HIPK2: variants seen among roughly 807,000 people sequenced by gnomAD.
HIPK2 encodes homeodomain interacting protein kinase 2.
Under a neutral mutation model 113.7 loss-of-function variants are expected in HIPK2, and 27 were observed. The ratio of observed to expected loss-of-function variants is 0.24; its 90% CI spans 0.17 to 0.33. The LOEUF is 0.33. Ranked by LOEUF, HIPK2 falls within the 10% of genes least tolerant of loss-of-function variation. HIPK2 has a pLI of 1.00. For synonymous variants in HIPK2, 631 were observed against 642.2 expected (o/e 0.98, Z 0.26); for missense variants, 1,257 against 1,588.0 (o/e 0.79, Z 3.54).
intron 1 of HIPK2, among the ~76,000 whole-genome samples, chr7:139,750,360 T>C (rs1044862899): frequency 6.6e-6 from 1 of 152,214 alleles, no homozygotes; most frequent in South Asian, 2.1e-4. Context: ...AAAGCCTCAA[T>C]TGATGAGCTA....
Position 139,608,068 on chromosome 7 carries a change from G to C in HIPK2, c.2113-3845C>G, listed in dbSNP as rs758520853. On this transcript the variant is annotated intron_variant, in intron 9 of 14. Transcript: ENST00000406875. ...AGCCTGGCCAACACATTGAAACCTA[G>C]TCTCTACTAAAAATACAAAAAAAAA... is the stretch of plus-strand genomic sequence containing the variant. Among the ~76,000 whole-genome samples the C allele has an allele frequency of 5.3e-5, 8 of 151,894 alleles. No individual in the cohort carries two copies. In the Middle Eastern group the frequency reaches 0.014, roughly 258 times the overall value.
chr7:139,764,566 G>A (rs959344676), intron 1 of HIPK2, among the ~76,000 whole-genome samples: 2 of 152,214 alleles, frequency 1.3e-5, no homozygotes, highest in South Asian at 2.1e-4. Context: ...TGACCAAGAT[G>A]TTTCCTTTGA....
chr7:139,720,445 C>T (rs1024025747), intron 1 of HIPK2, among the ~76,000 whole-genome samples: 5 of 152,234 alleles, frequency 3.3e-5, no homozygotes, highest in South Asian at 2.1e-4. Flanking sequence ...TGTGACTGCA[C>T]GTCTGTAGGA....
chr7:139,716,147 C>T lies in HIPK2; in HGVS notation c.888G>A (p.Leu296=). 1.2e-6 allele frequency: 2 copies of T among 1,614,002 alleles called. No individual in the cohort carries two copies. Among genetic ancestry groups the T allele is most frequent in the Non-Finnish European group, 8.5e-7 (1 of 1,179,902 alleles). ...DFLKQNKFSP[L]PLKYIRPVLQ... ...GAACTGGGCGAATGTATTTGAGGGGCAAGGGGCTAAACTTGTTTTGCTTCA... is the reference window on the plus strand; with the variant it reads ...GAACTGGGCGAATGTATTTGAGGGGTAAGGGGCTAAACTTGTTTTGCTTCA... The change falls in exon 2 of 15, where the codon TTG becomes TTA. Residue 296 remains leucine (L), a synonymous_variant. Transcript: ENST00000406875. The surrounding 1 kb of genome is among the most constrained non-coding windows in gnomAD (Gnocchi z 9.3).
At chr7:139,751,470 A>C (rs550698714) in intron 1 of HIPK2, among the ~76,000 whole-genome samples, 5 of 149,892 alleles carry the variant, frequency 3.3e-5, no homozygotes, top group African/African-American at 9.9e-5. Context: ...GTTATAGCCT[A>C]TAAGAAGGGG....
intron 10 of HIPK2, among the ~76,000 whole-genome samples, chr7:139,603,352 T>C (rs1333502525): frequency 5.3e-5 from 8 of 152,008 alleles, no homozygotes; most frequent in African/African-American, 1.9e-4. Flanking sequence ...GGGGCCATTG[T>C]GGTGGTGTTC....
At chr7:139,638,878 C>T (rs900208528) in intron 2 of HIPK2, among the ~76,000 whole-genome samples, 4 of 152,142 alleles carry the variant, frequency 2.6e-5, no homozygotes, top group Non-Finnish European at 5.9e-5. Context: ...AGGATGGTCT[C>T]GATCTCCTGA....
chr7:139,645,922 C>A (rs2116419455), intron 2 of HIPK2, among the ~76,000 whole-genome samples: 1 of 152,224 alleles, frequency 6.6e-6, no homozygotes, highest in South Asian at 2.1e-4. Flanking sequence ...TCTTGCCAAA[C>A]AAAATGGGCA....
chr7:139,649,103 T>G (rs970948024), intron 2 of HIPK2, among the ~76,000 whole-genome samples: 2 of 152,324 alleles, frequency 1.3e-5, no homozygotes, highest in South Asian at 4.1e-4. Context: ...TAGCAGCCTC[T>G]AACCTAGAGG....
Position 139,570,283 on chromosome 7 carries a change from G to A in HIPK2, c.*2644C>T, listed in dbSNP as rs112212342. ...TTCCAGGCTGACCCAGCTGTGGGGC[G>A]GGGGGGGGTCCTCTGGCTTCTGTGT... On this transcript the variant is annotated 3_prime_UTR_variant, in exon 15 of 15. Transcript: ENST00000406875. 7,079 of 137,932 alleles carry A rather than the reference G, an allele frequency of 0.051. 186 individuals carry two copies. Among genetic ancestry groups the A allele is most frequent in the Non-Finnish European group, 0.058 (3,823 of 65,498 alleles). The allele number at this position is 137,932 out of a possible 1,614,324, so 8.5% of individuals were successfully genotyped here.
At chr7:139,738,562 C>T (rs1007270039) in intron 1 of HIPK2, among the ~76,000 whole-genome samples, 8 of 152,254 alleles carry the variant, frequency 5.3e-5, no homozygotes, top group Admixed American at 6.5e-5. Flanking sequence ...AGTCATATAA[C>T]GATCATTCGT....
rs535029369 is a variant in HIPK2, at chr7:139,596,752, C to A, written c.2682G>T (p.Thr894=). 2.6e-4 allele frequency: 412 copies of A among 1,613,206 alleles called. No individual in the cohort carries two copies. In the East Asian group the frequency reaches 3.6e-3, roughly 14 times the overall value. ...CGTGTTTCTGTTCCTCCTCCTCGTC[C>A]GTGTCACTGCTGATGGTGATGACGC... The part of the protein sequence containing the change: ...TVSVITISSD[T]DEEEEQKHAP... The change falls in exon 12 of 15, where the codon ACG becomes ACT. Residue 894 remains threonine (T), a synonymous_variant. Transcript: ENST00000406875.
chr7:139,629,406 T>A (rs549293866), intron 4 of HIPK2, among the ~76,000 whole-genome samples: 1 of 152,366 alleles, frequency 6.6e-6, no homozygotes, highest in South Asian at 2.1e-4. Flanking sequence ...ATTTTCCAAT[T>A]TTATTTAATA....
chr7:139,680,373 C>G (rs917082797), intron 2 of HIPK2, among the ~76,000 whole-genome samples: 3 of 152,250 alleles, frequency 2.0e-5, no homozygotes, highest in Non-Finnish European at 4.4e-5. Context: ...GAGCCCTCCC[C>G]TGGGTGAACA....
chr7:139,768,387 C>T (rs1427802791), intron 1 of HIPK2, among the ~76,000 whole-genome samples: 1 of 152,108 alleles, frequency 6.6e-6, no homozygotes, highest in Non-Finnish European at 1.5e-5. Flanking sequence ...AGAGGCAGGG[C>T]TCAAGTTTTG....
chr7:139,608,075 C>T (rs1799683616), intron 9 of HIPK2, among the ~76,000 whole-genome samples: 2 of 151,722 alleles, frequency 1.3e-5, no homozygotes, highest in Admixed American at 1.3e-4. Flanking sequence ...CTAGTCTCTA[C>T]TAAAAATACA....
chr7:139,751,759 T>C (rs1796283231), intron 1 of HIPK2, among the ~76,000 whole-genome samples: 1 of 152,176 alleles, frequency 6.6e-6, no homozygotes, highest in African/African-American at 2.4e-5. Flanking sequence ...GCAGATGCCA[T>C]AAGAATCACA....
rs567574056 is a variant in HIPK2, at chr7:139,705,383, T to C, written c.1103+10549A>G. 7.1e-4 allele frequency among the ~76,000 whole-genome samples: 102 copies of C among 142,750 alleles called. No homozygotes were observed. The East Asian group carries it at 8.6e-3, about 12-fold the overall frequency. The allele number at this position is 142,750 out of a possible 152,430, so 93.6% of individuals were successfully genotyped here. On this transcript the variant is annotated intron_variant, in intron 2 of 14. Transcript: ENST00000406875. The stretch of plus-strand genomic sequence containing the variant: ...CTACCAACTGCTAGTAGTTTCCCCC[T>C]TTTTTTTTTTTGAGACGGAGTCTCG...
chr7:139,750,401 C>T (rs1796260166), intron 1 of HIPK2, among the ~76,000 whole-genome samples: 1 of 152,120 alleles, frequency 6.6e-6, no homozygotes, highest in Admixed American at 6.5e-5. Flanking sequence ...TGGAATCTAC[C>T]CTCAAATGAT....
Sources: gnomAD v4.1 joint callset for allele counts (sites outside exome capture counted in the v4.1 genomes callset) on GRCh38, gnomAD v4.1.1 for gene constraint, Gnocchi (gnomAD v3.1) non-coding constraint, MANE v1.5 for transcripts, NCBI Gene and HGNC (gene_info 2026-07-23, HGNC 2026-07-21) for gene names.